The following NPAS3 variants were observed in gnomAD, a reference collection of about 807,000 sequenced individuals.
NPAS3 encodes the protein neuronal PAS domain-containing protein 3.
Under a neutral mutation model 73.1 loss-of-function variants are expected in NPAS3, and 14 were observed. The ratio of observed to expected loss-of-function variants is 0.19; its 90% CI spans 0.13 to 0.30. The LOEUF (loss-of-function observed/expected upper bound fraction) is 0.30. NPAS3 is among the 10% of genes least tolerant of loss of function. NPAS3 has a pLI of 1.00. For missense variants in NPAS3, 1,096 were observed against 1,250.0 expected (o/e 0.88, Z 1.86); for synonymous variants, 620 against 541.5 (o/e 1.14, Z -2.01).
At chr14:32,936,065 G>A (rs980151192), upstream of NPAS3, among the ~76,000 whole-genome samples, 1 of 152,202 alleles carries the variant, frequency 6.6e-6, no homozygotes, top group Non-Finnish European at 1.5e-5. Flanking sequence ...TCAAATAACA[G>A]TTCCTATTTT....
chr14:33,320,371 T>C (rs74042030), intron 3 of NPAS3, among the ~76,000 whole-genome samples: 3,877 of 152,224 alleles, frequency 0.025, 155 homozygotes, highest in African/African-American at 0.087. Context: ...GATTCCAACA[T>C]GGCACATGTA....
At chr14:33,192,502 A>G (rs1321109390) in intron 2 of NPAS3, among the ~76,000 whole-genome samples, 1 of 152,212 alleles carries the variant, frequency 6.6e-6, no homozygotes, top group Non-Finnish European at 1.5e-5. Context: ...GAGTCTTGCC[A>G]GTGTGTTGGC....
intron 1 of NPAS3, among the ~76,000 whole-genome samples, chr14:33,051,320 C>T (rs2040704915): frequency 6.8e-6 from 1 of 147,836 alleles, no homozygotes; most frequent in Non-Finnish European, 1.5e-5. Flanking sequence ...AACTTCCCCA[C>T]TACCACCTAC....
At chr14:32,987,957 T>G (rs988588194) in intron 1 of NPAS3, among the ~76,000 whole-genome samples, 2 of 152,180 alleles carry the variant, frequency 1.3e-5, no homozygotes, top group African/African-American at 4.8e-5. Context: ...TTTTATTTCC[T>G]TTTTAACTAT....
intron 3 of NPAS3, among the ~76,000 whole-genome samples, chr14:33,355,447 C>T (rs112380569): frequency 0.085 from 12,992 of 152,122 alleles, 1,021 homozygotes; most frequent in African/African-American, 0.19. Flanking sequence ...ACTACAGGCA[C>T]GCACCATCAT....
chr14:33,196,459 T>C (rs951527484), intron 2 of NPAS3, among the ~76,000 whole-genome samples: 3 of 152,204 alleles, frequency 2.0e-5, no homozygotes, highest in African/African-American at 7.2e-5. Flanking sequence ...TTTTGAGTAG[T>C]AGAGCTTCCT....
At chr14:33,087,986 A>G (rs1272566227) in intron 2 of NPAS3, among the ~76,000 whole-genome samples, 1 of 152,216 alleles carries the variant, frequency 6.6e-6, no homozygotes, top group African/African-American at 2.4e-5. Context: ...GGGAGTCTAG[A>G]TTGTAACTAC....
intron 1 of NPAS3, among the ~76,000 whole-genome samples, chr14:33,009,550 C>T (rs535497124): frequency 5.9e-5 from 9 of 152,246 alleles, no homozygotes; most frequent in African/African-American, 2.2e-4. Flanking sequence ...GACATTAACA[C>T]TGGTGCTGGT....
downstream of NPAS3, chr14:33,802,384 A>G (rs1246419816): frequency 1.3e-5 from 2 of 150,222 alleles, no homozygotes; most frequent in Non-Finnish European, 1.5e-5. Flanking sequence ...AGTAAAAAAA[A>G]AAAAAAAGAA....
intron 4 of NPAS3, among the ~76,000 whole-genome samples, chr14:33,489,804 T>A (rs1311683856): frequency 6.6e-6 from 1 of 152,190 alleles, no homozygotes; most frequent in Non-Finnish European, 1.5e-5. Flanking sequence ...TGCTGAGTGG[T>A]ACATGCTTGT....
rs537718938 is a variant in NPAS3 at position 33,428,608 on chromosome 14, A to G, written c.468+61340A>G. Reference sequence around the variant, plus strand: ...CTGGTTGATTAGGAAATGTTCCTTTATGAAAATGATCCATTCACACTTTAA... The same window carrying G: ...CTGGTTGATTAGGAAATGTTCCTTTGTGAAAATGATCCATTCACACTTTAA... On this transcript the variant is annotated intron_variant, in intron 4 of 11. Transcript: ENST00000356141. 4.3e-4 allele frequency among the ~76,000 whole-genome samples: 65 copies of G among 152,276 alleles called. 1 individual carries two copies. Among genetic ancestry groups the G allele is most frequent in the Admixed American group, 1.1e-3 (17 of 15,280 alleles).
chr14:33,166,610 C>T (rs1011638129), intron 2 of NPAS3, among the ~76,000 whole-genome samples: 4 of 152,020 alleles, frequency 2.6e-5, no homozygotes, highest in Non-Finnish European at 4.4e-5. Flanking sequence ...AATAATTTGC[C>T]CTTTTATCTG....
At position 33,409,442 on chromosome 14, in the gene NPAS3, C is replaced by T. The variant is rs146141663; in HGVS notation, c.468+42174C>T. Among the ~76,000 whole-genome samples, 1,030 of 152,140 alleles carry T rather than the reference C, an allele frequency of 6.8e-3. 7 individuals carry two copies. Among genetic ancestry groups the T allele is most frequent in the Non-Finnish European group, 0.011 (765 of 67,978 alleles). The stretch of plus-strand genomic sequence containing the variant: ...GAAGAGATTATAGGATTTGTTTCAT[C>T]CTAACTTAGAATTTTAATTGTCATT... On this transcript the variant is annotated intron_variant, in intron 4 of 11. Transcript: ENST00000356141.
chr14:33,107,770 T>A (rs2042768488), intron 2 of NPAS3, among the ~76,000 whole-genome samples: 1 of 152,176 alleles, frequency 6.6e-6, no homozygotes, highest in Non-Finnish European at 1.5e-5. Context: ...GTTAGCTAAT[T>A]GGCTTCCCAT....
intron 6 of NPAS3, among the ~76,000 whole-genome samples, chr14:33,691,771 T>C (rs1337285632): frequency 6.6e-6 from 1 of 152,208 alleles, no homozygotes; most frequent in African/African-American, 2.4e-5. Context: ...GTAGAATTAT[T>C]ACCACAGAGC....
At chr14:33,573,021 C>CAA (rs1172844613) in intron 5 of NPAS3, among the ~76,000 whole-genome samples, 1,900 of 61,276 alleles carry the variant, frequency 0.031, 118 homozygotes, top group African/African-American at 0.1. Context: ...GACTTCTTCT[C>CAA]AAAAAAAAAA....
At chr14:33,475,722 G>GTT (rs2050998156) in intron 4 of NPAS3, among the ~76,000 whole-genome samples, 1 of 152,106 alleles carries the variant, frequency 6.6e-6, no homozygotes, top group African/African-American at 2.4e-5. Flanking sequence ...GAGAGTTGGG[G>GTT]TTAAAGGTAA....
chr14:33,382,785 C>T (rs1046582493), intron 4 of NPAS3, among the ~76,000 whole-genome samples: 1 of 152,016 alleles, frequency 6.6e-6, no homozygotes, highest in African/African-American at 2.4e-5. Context: ...TCACATTATC[C>T]TGTCACTTAT....
intron 2 of NPAS3, among the ~76,000 whole-genome samples, chr14:33,198,048 GCGTCTAGAGTTGTTTGTTCCTCC>G (rs1396572504): frequency 2.1e-4 from 32 of 150,076 alleles, no homozygotes; most frequent in African/African-American, 7.0e-4. Context: ...TTAAGGCAGT[GCGTCTAGAGTTGTTTGTTCCTCC>G]CGTCCAGAGT....
Sources: gnomAD v4.1 joint callset for allele counts (sites outside exome capture counted in the v4.1 genomes callset) on GRCh38, gnomAD v4.1.1 for gene constraint, MANE v1.5 for transcripts, NCBI Gene and HGNC (gene_info 2026-07-23, HGNC 2026-07-21) for gene names.